The following GABRG3 variants were observed in gnomAD, a reference collection of about 807,000 sequenced individuals.
GABRG3 encodes gamma-aminobutyric acid type A receptor subunit gamma3, also known as gamma-aminobutyric acid receptor subunit gamma-3.
GABRG3 carries 25 observed loss-of-function variants against 48.8 expected under a neutral mutation model. The observed-to-expected ratio is 0.51, with a 90% confidence interval of 0.37 to 0.72. The LOEUF (loss-of-function observed/expected upper bound fraction) is 0.72, where lower values mean the gene tolerates loss of function less well. Ranked by LOEUF, GABRG3 falls within the 30% of genes least tolerant of loss-of-function variation. GABRG3 has a pLI of 0.00. For synonymous variants in GABRG3, 227 were observed against 217.6 expected (o/e 1.04, Z -0.38); for missense variants, 394 against 577.9 (o/e 0.68, Z 3.26).
intron 3 of GABRG3, among the ~76,000 whole-genome samples, chr15:27,166,471 A>G (rs923382966): frequency 1.3e-5 from 2 of 152,096 alleles, no homozygotes; most frequent in African/African-American, 4.8e-5. Flanking sequence ...TCTTCTTCCA[A>G]GCTTGAGACT....
chr15:27,245,858 A>T (rs531750224), intron 3 of GABRG3, among the ~76,000 whole-genome samples: 1 of 152,188 alleles, frequency 6.6e-6, no homozygotes, highest in African/African-American at 2.4e-5. Flanking sequence ...CATCTCAAAA[A>T]CAAAAACAGA....
At chr15:27,231,443 C>T (rs528558955) in intron 3 of GABRG3, among the ~76,000 whole-genome samples, 5 of 152,234 alleles carry the variant, frequency 3.3e-5, no homozygotes, top group East Asian at 1.9e-4. Context: ...GTGTTGTGAG[C>T]GGGGTAGGGA....
At chr15:27,242,875 C>T (rs1195146229) in intron 3 of GABRG3, among the ~76,000 whole-genome samples, 2 of 152,172 alleles carry the variant, frequency 1.3e-5, no homozygotes, top group Non-Finnish European at 2.9e-5. Context: ...GAGATTGGCA[C>T]ATAAATATTG....
At chr15:27,045,478 C>T (rs565842406) in intron 3 of GABRG3, among the ~76,000 whole-genome samples, 4 of 152,342 alleles carry the variant, frequency 2.6e-5, no homozygotes, top group African/African-American at 9.6e-5. Flanking sequence ...GGTGTGCACC[C>T]AGCATCTACT....
At chr15:27,067,906 C>T (rs2140730547) in intron 3 of GABRG3, among the ~76,000 whole-genome samples, 1 of 152,322 alleles carries the variant, frequency 6.6e-6, no homozygotes, top group Non-Finnish European at 1.5e-5. Context: ...AAGAGGGAAG[C>T]TGCATCATAC....
chr15:27,404,513 G>A lies in GABRG3; in HGVS notation c.574+75625G>A, dbSNP rs529436264. 3.3e-5 allele frequency among the ~76,000 whole-genome samples: 5 copies of A among 152,312 alleles called. No homozygotes were observed. In the East Asian group the frequency reaches 9.7e-4, roughly 30 times the overall value. On this transcript the variant is annotated intron_variant, in intron 5 of 9. Coordinates refer to ENST00000615808, the MANE Select transcript of GABRG3 (RefSeq NM_033223.5). Reference sequence around the variant, plus strand: ...ACATAGCTCTAGAGCTTGTGCCTATGTGATCATCCTGGGGCCCTGGGGCCC... The same window carrying A: ...ACATAGCTCTAGAGCTTGTGCCTATATGATCATCCTGGGGCCCTGGGGCCC...
intron 3 of GABRG3, among the ~76,000 whole-genome samples, chr15:27,099,423 C>T (rs1004187890): frequency 2.0e-5 from 3 of 152,120 alleles, no homozygotes; most frequent in Non-Finnish European, 2.9e-5. Context: ...CCTGTGTCTT[C>T]GCATGGTTTC....
At chr15:27,100,369 T>C (rs1348814581) in intron 3 of GABRG3, among the ~76,000 whole-genome samples, 1 of 152,170 alleles carries the variant, frequency 6.6e-6, no homozygotes, top group Non-Finnish European at 1.5e-5. Context: ...TTGAGTTTTA[T>C]ATGGTGTAAC....
At chr15:27,244,036 A>G (rs1412362532) in intron 3 of GABRG3, among the ~76,000 whole-genome samples, 2 of 152,210 alleles carry the variant, frequency 1.3e-5, no homozygotes, top group African/African-American at 4.8e-5. Flanking sequence ...TAGAGGGAGT[A>G]GAAGACATCA....
At chr15:27,431,050 A>G (rs1210859932) in intron 5 of GABRG3, among the ~76,000 whole-genome samples, 1 of 151,694 alleles carries the variant, frequency 6.6e-6, no homozygotes, top group Non-Finnish European at 1.5e-5. Context: ...TCAGTAGTAT[A>G]AGGGTTTATT....
At chr15:27,057,397 C>T (rs143966417) in intron 3 of GABRG3, among the ~76,000 whole-genome samples, 29 of 152,300 alleles carry the variant, frequency 1.9e-4, no homozygotes, top group Middle Eastern at 6.8e-3. Context: ...TCAACACTTA[C>T]GGTGATTTAT....
intron 3 of GABRG3, among the ~76,000 whole-genome samples, chr15:27,201,747 C>G (rs1344368328): frequency 6.6e-6 from 1 of 152,004 alleles, no homozygotes; most frequent in African/African-American, 2.4e-5. Context: ...ATAATCGGAA[C>G]AATAATGAAC....
chr15:27,478,187 A>G (rs963714167), intron 5 of GABRG3, among the ~76,000 whole-genome samples: 2 of 152,238 alleles, frequency 1.3e-5, no homozygotes, highest in African/African-American at 2.4e-5. Flanking sequence ...TATTACCACA[A>G]TAAAAAAATT....
chr15:27,306,402 ATAAT>A (rs1364273358), intron 3 of GABRG3, among the ~76,000 whole-genome samples: 4 of 140,672 alleles, frequency 2.8e-5, no homozygotes, highest in East Asian at 4.4e-4. Flanking sequence ...AAACATATAT[ATAAT>A]ATAAACATGT....
chr15:27,518,308 G>A (rs564066430), intron 6 of GABRG3, among the ~76,000 whole-genome samples: 2 of 149,918 alleles, frequency 1.3e-5, no homozygotes, highest in East Asian at 4.0e-4. Context: ...GGCGGAGGTT[G>A]CAGTGAGCCA....
chr15:27,261,150 G>C (rs1595620206), intron 3 of GABRG3, among the ~76,000 whole-genome samples: 1 of 152,120 alleles, frequency 6.6e-6, no homozygotes, highest in Non-Finnish European at 1.5e-5. Context: ...TGGGAGGAAA[G>C]GATGGAAGCA....
In GABRG3 at chr15:27,104,689, G is replaced by A. The variant is rs1345442674; in HGVS notation, c.270+77868G>A. On this transcript the variant is annotated intron_variant, in intron 3 of 9. Transcript: ENST00000615808. ...CTGATCTGCCTAGGTAGGAACAAAA[G>A]CCCCAGGTGCTGTTTGCTTCCTCAG... Among the ~76,000 whole-genome samples the A allele has an allele frequency of 3.3e-5, 5 of 152,196 alleles. No homozygotes were observed. The East Asian group carries it at 7.7e-4, about 23-fold the overall frequency.
intron 3 of GABRG3, among the ~76,000 whole-genome samples, chr15:27,121,055 A>G (rs1405972581): frequency 6.6e-6 from 1 of 152,136 alleles, no homozygotes; most frequent in African/African-American, 2.4e-5. Context: ...CAATTTTTGG[A>G]TTCCATTTTC....
At chr15:27,071,133 G>A (rs779833455) in intron 3 of GABRG3, among the ~76,000 whole-genome samples, 4 of 152,218 alleles carry the variant, frequency 2.6e-5, no homozygotes, top group Non-Finnish European at 4.4e-5. Context: ...TGCAAAGTGG[G>A]AGGCGTCCTG....
Sources: allele counts gnomAD v4.1 joint callset (sites outside exome capture counted in the v4.1 genomes callset), GRCh38; gene constraint gnomAD v4.1.1; transcripts MANE v1.5; gene names NCBI Gene and HGNC (gene_info 2026-07-23, HGNC 2026-07-21).